Variants in RNF17 observed in about 807,000 individuals in gnomAD.
RNF17 encodes the protein ring finger protein 17, also known as spermatogenesis associated 23.
In RNF17, 31 loss-of-function variants were observed where a neutral mutation model predicts 200.5. The ratio of observed to expected loss-of-function variants is 0.15; its 90% CI spans 0.12 to 0.21. The LOEUF is 0.21. Among genes scored for constraint, RNF17 ranks in the 10% least tolerant of loss-of-function variants. The pLI, the probability that RNF17 is intolerant of heterozygous loss-of-function variation, is 1.00. For synonymous variants in RNF17, 606 were observed against 637.8 expected (o/e 0.95, Z 0.75); for missense variants, 1,628 against 1,905.1 (o/e 0.85, Z 2.71).
intron 2 of RNF17, among the ~76,000 whole-genome samples, chr13:24,773,761 A>G (rs1484796821): frequency 1.3e-5 from 2 of 152,230 alleles, no homozygotes; most frequent in East Asian, 1.9e-4. Flanking sequence ...GAGTGAAGTT[A>G]GAGGACATAC....
chr13:24,828,771 A>G (rs991823828), intron 16 of RNF17, among the ~76,000 whole-genome samples: 3 of 151,238 alleles, frequency 2.0e-5, no homozygotes, highest in African/African-American at 4.9e-5. Context: ...ACCATTTTCC[A>G]TATGATAAAT....
chr13:24,866,106 A>G (rs1432021968), intron 29 of RNF17, 38 bp from the exon 30 acceptor site: 2 of 1,123,052 alleles, frequency 1.8e-6, no homozygotes, highest in African/African-American at 3.1e-5. Flanking sequence ...AAAACAATAT[A>G]GCTAAAGGTG....
At chr13:24,864,561 G>A (rs1229444704) in intron 28 of RNF17, among the ~76,000 whole-genome samples, 6 of 152,108 alleles carry the variant, frequency 3.9e-5, no homozygotes, top group East Asian at 1.9e-4. Flanking sequence ...CTCTTTGTAC[G>A]TAGTGTAATT....
chr13:24,764,815 T>G (rs1215644670), intron 1 of RNF17, among the ~76,000 whole-genome samples: 3 of 152,092 alleles, frequency 2.0e-5, no homozygotes, highest in African/African-American at 7.2e-5. Flanking sequence ...TTTTTGTTTG[T>G]TTTTTACATT....
chr13:24,841,082 A>G (rs554137227), intron 18 of RNF17, among the ~76,000 whole-genome samples: 2 of 152,340 alleles, frequency 1.3e-5, no homozygotes, highest in East Asian at 1.9e-4. Context: ...TTTGTCTACC[A>G]TATTTCAGAT....
downstream of RNF17, among the ~76,000 whole-genome samples, chr13:24,884,681 T>C (rs1953959974): frequency 6.6e-6 from 1 of 152,194 alleles, no homozygotes; most frequent in Non-Finnish European, 1.5e-5. Context: ...AAGAAAACCT[T>C]CCCTTATCAA....
chr13:24,858,230 A>C (rs1169718367), intron 25 of RNF17, among the ~76,000 whole-genome samples: 6 of 152,040 alleles, frequency 3.9e-5, no homozygotes, highest in Admixed American at 3.9e-4. Context: ...AAATCGGTAC[A>C]ATTGGCCGTT....
At chr13:24,760,643 C>A (rs190792886), upstream of RNF17, among the ~76,000 whole-genome samples, 426 of 152,076 alleles carry the variant, frequency 2.8e-3, 3 homozygotes, top group Non-Finnish European at 4.8e-3. Flanking sequence ...GAACTATTAA[C>A]AGAAAACTCT....
the RNF17 span, among the ~76,000 whole-genome samples, chr13:24,756,305 A>G: frequency 1.3e-5 from 2 of 152,250 alleles, no homozygotes; most frequent in Non-Finnish European, 2.9e-5. Context: ...AATATTTAGC[A>G]TAAACTTTAT....
At chr13:24,794,549 A>C (rs145089341) in intron 10 of RNF17, among the ~76,000 whole-genome samples, 137 of 152,118 alleles carry the variant, frequency 9.0e-4, no homozygotes, top group African/African-American at 3.2e-3. Context: ...GTGGTGCACA[A>C]CTGTGGTCTC....
chr13:24,752,336 C>G, the RNF17 span, among the ~76,000 whole-genome samples: 1,733 of 152,352 alleles, frequency 0.011, 46 homozygotes, highest in African/African-American at 0.039. Flanking sequence ...GCAGCCCTGT[C>G]CATCCACAGC....
intron 33 of RNF17, 36 bp downstream of exon 33, chr13:24,874,285 CTTT>C: frequency 6.7e-7 from 1 of 1,490,554 alleles, no homozygotes; most frequent in Non-Finnish European, 9.0e-7. Context: ...AATTAGATTT[CTTT>C]TTTTTTAAAT....
intron 11 of RNF17, among the ~76,000 whole-genome samples, chr13:24,798,933 C>T (rs1884925497): frequency 6.6e-6 from 1 of 152,162 alleles, no homozygotes; most frequent in Admixed American, 6.6e-5. Flanking sequence ...GTTTTACTCT[C>T]ACTCCCCTTT....
At chr13:24,802,311 T>G in intron 13 of RNF17, 70 bp from the exon 14 acceptor site, 1 of 1,404,262 alleles carries the variant, frequency 7.1e-7, no homozygotes, top group East Asian at 2.3e-5. Context: ...GGTACAAACC[T>G]AAATCCAGAA....
In RNF17 at chr13:24,766,296, G is replaced by A. The variant is rs200743719; in HGVS notation, c.131-976G>A. On this transcript the variant is annotated intron_variant, in intron 1 of 35. Transcript: ENST00000255324. Reference sequence around the variant, plus strand: ...ATTATTTTGCTAGTAAAAGATGACTGATTTTTATCTAGTTTTTTTCCCTTT... The same window carrying A: ...ATTATTTTGCTAGTAAAAGATGACTAATTTTTATCTAGTTTTTTTCCCTTT... 1.8e-4 allele frequency among the ~76,000 whole-genome samples: 28 copies of A among 152,306 alleles called. No homozygotes were observed. In the East Asian group the frequency reaches 4.4e-3, roughly 24 times the overall value.
At chr13:24,800,112 C>T (rs1885068882) in intron 12 of RNF17, among the ~76,000 whole-genome samples, 1 of 152,090 alleles carries the variant, frequency 6.6e-6, no homozygotes, top group Admixed American at 6.5e-5. Flanking sequence ...GTGTCATTAT[C>T]TCCTTTAAGT....
intron 33 of RNF17, 118 bp from the exon 34 acceptor site, chr13:24,876,879 A>T: frequency 1.3e-6 from 1 of 741,492 alleles, no homozygotes; most frequent in Non-Finnish European, 2.1e-6. Context: ...TTGGTGTCGT[A>T]TCCAAAAAAA....
In RNF17 at chr13:24,851,094, A is replaced by G. The variant is rs553741187; in HGVS notation, c.3205-362A>G. Among the ~76,000 whole-genome samples, 8 of 152,290 alleles carry G rather than the reference A, an allele frequency of 5.3e-5. No homozygotes were observed. The South Asian group carries it at 1.2e-3, about 24-fold the overall frequency. On this transcript the variant is annotated intron_variant, in intron 23 of 35. Coordinates refer to ENST00000255324, the MANE Select transcript of RNF17 (RefSeq NM_031277.3). ...ACCGCAATCTCCGACTCCCAGGTTC[A>G]AGAGCTTCTCCTGTCTCAGCCTCCC...
chr13:24,844,538 C>T lies in RNF17; in HGVS notation c.2832-114C>T, dbSNP rs1003801543. 7.5e-6 allele frequency: 6 copies of T among 803,978 alleles called. No individual in the cohort carries two copies. In the Admixed American group the frequency reaches 1.5e-4, roughly 20 times the overall value. The allele number at this position is 803,978 out of a possible 1,614,324, so 49.8% of individuals were successfully genotyped here. ...ATACACTTGTACATTCAAGGAAGAA[C>T]AAGGTGCCCAGCTTGGCTGGAGCGG... On this transcript the variant is annotated intron_variant, in intron 20 of 35. Transcript: ENST00000255324.
Sources: gnomAD v4.1 joint callset for allele counts (sites outside exome capture counted in the v4.1 genomes callset) on GRCh38, gnomAD v4.1.1 for gene constraint, MANE v1.5 for transcripts, NCBI Gene and HGNC (gene_info 2026-07-23, HGNC 2026-07-21) for gene names.